The following FTO variants were observed in gnomAD, a reference collection of about 807,000 sequenced individuals.
FTO encodes the protein alpha-ketoglutarate-dependent dioxygenase FTO.
FTO carries 47 observed loss-of-function variants against 63.9 expected under a neutral mutation model. The ratio of observed to expected loss-of-function variants is 0.74; its 90% CI spans 0.58 to 0.94. The LOEUF (loss-of-function observed/expected upper bound fraction) is 0.94. FTO is among the 40% of genes least tolerant of loss of function. FTO has a pLI of 0.00. For synonymous variants in FTO, 207 were observed against 224.4 expected (o/e 0.92, Z 0.69); for missense variants, 562 against 618.1 (o/e 0.91, Z 0.96).
chr16:53,792,594 A>C (rs2077954233), intron 1 of FTO, among the ~76,000 whole-genome samples: 1 of 152,188 alleles, frequency 6.6e-6, no homozygotes, highest in African/African-American at 2.4e-5. Flanking sequence ...GCTGATCTCA[A>C]GTGTTATTTA....
At chr16:54,058,662 A>G (rs1034017799) in intron 8 of FTO, among the ~76,000 whole-genome samples, 26 of 152,132 alleles carry the variant, frequency 1.7e-4, no homozygotes, top group African/African-American at 5.8e-4. Context: ...TCCTGCAGGT[A>G]TAACTGATTT....
At chr16:53,858,259 TTGAC>T (rs2080067471) in intron 4 of FTO, among the ~76,000 whole-genome samples, 1 of 152,190 alleles carries the variant, frequency 6.6e-6, no homozygotes, top group African/African-American at 2.4e-5. Flanking sequence ...GATGCCTTCT[TTGAC>T]TGGATGATAT....
chr16:54,063,242 T>G (rs2085630300), intron 8 of FTO, among the ~76,000 whole-genome samples: 1 of 152,132 alleles, frequency 6.6e-6, no homozygotes, highest in Non-Finnish European at 1.5e-5. Flanking sequence ...GAGAGCAAAA[T>G]ACTACTGCTG....
At chr16:53,839,655 C>A (rs1009588888) in intron 3 of FTO, among the ~76,000 whole-genome samples, 3 of 152,000 alleles carry the variant, frequency 2.0e-5, no homozygotes, top group African/African-American at 7.2e-5. Flanking sequence ...CAGACTGTTA[C>A]CCTATGAAGA....
intron 8 of FTO, among the ~76,000 whole-genome samples, chr16:53,955,353 A>G (rs1567471028): frequency 1.3e-5 from 2 of 152,194 alleles, no homozygotes; most frequent in Non-Finnish European, 2.9e-5. Context: ...TAAGCAAGCA[A>G]GTAAAAAAGA....
At chr16:53,923,893 A>G (rs1336338615) in intron 7 of FTO, among the ~76,000 whole-genome samples, 1 of 151,992 alleles carries the variant, frequency 6.6e-6, no homozygotes, top group Admixed American at 6.5e-5. Flanking sequence ...CTGCAGTGGC[A>G]GGCAGGCTGC....
Position 54,025,518 on chromosome 16 carries a change from T to A in FTO, c.1365-86244T>A, listed in dbSNP as rs191858769. 1.1e-4 allele frequency among the ~76,000 whole-genome samples: 17 copies of A among 151,162 alleles called. No homozygotes were observed. The East Asian group carries it at 2.5e-3, about 23-fold the overall frequency. ...GAGGAGGGTCACTTGAGGTCAGGAG[T>A]TCAAGACCAGCCTGGCCAACATGGT... On this transcript the variant is annotated intron_variant, in intron 8 of 8. Transcript: ENST00000471389.
chr16:53,731,789 C>T (rs1050267974), intron 1 of FTO, among the ~76,000 whole-genome samples: 4 of 150,994 alleles, frequency 2.6e-5, no homozygotes, highest in Non-Finnish European at 5.9e-5. Context: ...CCTCTTTTGC[C>T]CAGGCTGGAC....
At chr16:53,948,200 C>T (rs1306347989) in intron 8 of FTO, among the ~76,000 whole-genome samples, 1 of 151,976 alleles carries the variant, frequency 6.6e-6, no homozygotes, top group African/African-American at 2.4e-5. Context: ...GTATAAGAGA[C>T]CTGGTTTGGA....
At chr16:53,856,355 C>CTT (rs772358108) in intron 4 of FTO, among the ~76,000 whole-genome samples, 2 of 112,784 alleles carry the variant, frequency 1.8e-5, no homozygotes, top group African/African-American at 7.2e-5. Context: ...CAATAAACAT[C>CTT]TTTTTTTTTT....
chr16:54,028,475 C>G (rs1345418387), intron 8 of FTO, among the ~76,000 whole-genome samples: 1 of 152,112 alleles, frequency 6.6e-6, no homozygotes, highest in Non-Finnish European at 1.5e-5. Flanking sequence ...TGTGCCAAGC[C>G]AAGTGACAAA....
intron 4 of FTO, among the ~76,000 whole-genome samples, chr16:53,864,998 T>C (rs1297538287): frequency 1.3e-5 from 2 of 152,170 alleles, no homozygotes; most frequent in African/African-American, 4.8e-5. Context: ...GTGTTTGCCA[T>C]TTGGCCTGAG....
chr16:54,007,914 A>G (rs182170321), intron 8 of FTO, among the ~76,000 whole-genome samples: 197 of 152,346 alleles, frequency 1.3e-3, no homozygotes, highest in Non-Finnish European at 2.3e-3. Context: ...TTGGACTAAC[A>G]ATTAAACTCA....
At chr16:53,769,964 C>T (rs2077295832) in intron 1 of FTO, among the ~76,000 whole-genome samples, 1 of 151,930 alleles carries the variant, frequency 6.6e-6, no homozygotes, top group Non-Finnish European at 1.5e-5. Flanking sequence ...TTTTATGGGC[C>T]AGACCTGGAA....
chr16:53,733,000 C>G (rs1484541059), intron 1 of FTO, among the ~76,000 whole-genome samples: 3 of 152,232 alleles, frequency 2.0e-5, no homozygotes, highest in Non-Finnish European at 4.4e-5. Flanking sequence ...TTGGCAGAGC[C>G]TTAAGACCTC....
chr16:54,021,594 A>G (rs1478679985), intron 8 of FTO, among the ~76,000 whole-genome samples: 2 of 152,080 alleles, frequency 1.3e-5, no homozygotes, highest in African/African-American at 4.8e-5. Flanking sequence ...GGTTCAAGCA[A>G]TTCTCCTGCC....
At chr16:54,105,807 GTGTGTGTA>G (rs199729921) in intron 8 of FTO, among the ~76,000 whole-genome samples, 23,908 of 146,076 alleles carry the variant, frequency 0.16, 2,408 homozygotes, top group Middle Eastern at 0.29. Flanking sequence ...GTGTGTGTGT[GTGTGTGTA>G]TGTTACATTT....
At chr16:53,763,819 A>G (rs1176350967) in intron 1 of FTO, among the ~76,000 whole-genome samples, 3 of 152,212 alleles carry the variant, frequency 2.0e-5, no homozygotes, top group Non-Finnish European at 4.4e-5. Context: ...AGGACCCAGT[A>G]TTAGTGAAAT....
chr16:54,052,149 T>C (rs1183165810), intron 8 of FTO, among the ~76,000 whole-genome samples: 1 of 152,180 alleles, frequency 6.6e-6, no homozygotes, highest in Non-Finnish European at 1.5e-5. Flanking sequence ...TGTAATATGT[T>C]CTTCATTGAG....
Sources: allele counts gnomAD v4.1 joint callset (sites outside exome capture counted in the v4.1 genomes callset), GRCh38; gene constraint gnomAD v4.1.1; transcripts MANE v1.5; gene names NCBI Gene and HGNC (gene_info 2026-07-23, HGNC 2026-07-21).